Variants in TENM2 observed in about 807,000 individuals in gnomAD.
TENM2 encodes the protein teneurin-2.
Under a neutral mutation model 245.2 loss-of-function variants are expected in TENM2, and 52 were observed. The ratio of observed to expected loss-of-function variants is 0.21; its 90% CI spans 0.17 to 0.27. The LOEUF is 0.27. TENM2 is among the 10% of genes least tolerant of loss of function. The probability of loss-of-function intolerance (pLI) is 1.00; values close to 1 mark genes in which losing one functional copy is unlikely to be tolerated. For synonymous variants in TENM2, 1,363 were observed against 1,438.9 expected, an observed-to-expected ratio of 0.95 and a Z score of 1.19; for missense variants, 3,046 against 3,666.8, an observed-to-expected ratio of 0.83 and a Z score of 4.37.
At chr5:168,173,560 C>T (rs769567652) in intron 13 of TENM2, among the ~76,000 whole-genome samples, 8 of 152,062 alleles carry the variant, frequency 5.3e-5, no homozygotes, top group African/African-American at 7.2e-5. Context: ...TCATTGATGG[C>T]AATGACAGAA....
the TENM2 span, among the ~76,000 whole-genome samples, chr5:167,115,914 G>T: frequency 2.0e-4 from 31 of 152,170 alleles, no homozygotes; most frequent in African/African-American, 6.3e-4. Context: ...GGAAATAACT[G>T]AGAAATTTTG....
chr5:167,649,070 C>A (rs1213683277), intron 2 of TENM2, among the ~76,000 whole-genome samples: 1 of 152,084 alleles, frequency 6.6e-6, no homozygotes, highest in East Asian at 1.9e-4. Context: ...TCTGTCACAC[C>A]ACAAAGAGTA....
At chr5:167,963,970 A>G (rs1781201842) in intron 4 of TENM2, among the ~76,000 whole-genome samples, 1 of 152,214 alleles carries the variant, frequency 6.6e-6, no homozygotes, top group Admixed American at 6.5e-5. Context: ...TGTATAAACC[A>G]TAATATAATC....
At chr5:167,398,228 A>G (rs1156522765) in intron 2 of TENM2, among the ~76,000 whole-genome samples, 1 of 152,158 alleles carries the variant, frequency 6.6e-6, no homozygotes, top group African/African-American at 2.4e-5. Context: ...TTAAACCTTA[A>G]TTCTGTCCTT....
At position 168,034,312 on chromosome 5, in the gene TENM2, G is replaced by A. The variant is rs182919099; in HGVS notation, c.1187-13115G>A. Reference sequence around the variant, plus strand: ...GCCAAGATGGCGCCACTCCACTCCAGCCTGGGTGAAAGAGTGAGACTCCGT... The same window carrying A: ...GCCAAGATGGCGCCACTCCACTCCAACCTGGGTGAAAGAGTGAGACTCCGT... On this transcript the variant is annotated intron_variant, in intron 5 of 28. Transcript: ENST00000518659. Among the ~76,000 whole-genome samples the A allele has an allele frequency of 1.5e-3, 216 of 147,664 alleles. 1 individual carries two copies. Among genetic ancestry groups the A allele is most frequent in the African/African-American group, 5.1e-3 (204 of 39,864 alleles).
chr5:167,405,969 A>G (rs765662177), intron 2 of TENM2, among the ~76,000 whole-genome samples: 1 of 152,112 alleles, frequency 6.6e-6, no homozygotes, highest in Non-Finnish European at 1.5e-5. Flanking sequence ...TGTTTATCAT[A>G]GGCTGTTAAG....
rs994047705 is a variant in TENM2, at chr5:167,734,509, A to G, written c.503-141477A>G. Among the ~76,000 whole-genome samples, 4 of 148,552 alleles carry G rather than the reference A, an allele frequency of 2.7e-5. No individual in the cohort carries two copies. The Admixed American group carries it at 2.7e-4, about 10-fold the overall frequency. ...GCAATATATTATATATAAATAATAT[A>G]TAATAAATATATTAATAGTTAATGA... On this transcript the variant is annotated intron_variant, in intron 2 of 28. Transcript: ENST00000518659.
At chr5:167,930,146 T>G (rs189578294) in intron 3 of TENM2, among the ~76,000 whole-genome samples, 1 of 152,314 alleles carries the variant, frequency 6.6e-6, no homozygotes, top group East Asian at 1.9e-4. Context: ...AGACCAGAGA[T>G]GTAAAAAGAT....
chr5:167,433,795 T>C (rs1294547490), intron 2 of TENM2, among the ~76,000 whole-genome samples: 2 of 152,144 alleles, frequency 1.3e-5, no homozygotes, highest in Non-Finnish European at 2.9e-5. Context: ...TAAAACATCA[T>C]TGTTCACATT....
At chr5:167,335,024 G>C (rs1027704983) in intron 1 of TENM2, among the ~76,000 whole-genome samples, 1 of 152,156 alleles carries the variant, frequency 6.6e-6, no homozygotes. Flanking sequence ...TGGTGTAGTA[G>C]TCCATTCTCA....
the TENM2 span, among the ~76,000 whole-genome samples, chr5:167,208,659 C>T: frequency 6.6e-6 from 1 of 152,156 alleles, no homozygotes; most frequent in African/African-American, 2.4e-5. Flanking sequence ...TGTAAAGTGA[C>T]ACAGATTTTG....
At chr5:167,471,093 C>A (rs771626716) in intron 2 of TENM2, among the ~76,000 whole-genome samples, 15 of 152,174 alleles carry the variant, frequency 9.9e-5, no homozygotes, top group Non-Finnish European at 1.5e-4. Flanking sequence ...TGCAAGACTG[C>A]GGCTTCTCTG....
chr5:167,752,261 AT>A (rs575290973), intron 2 of TENM2, among the ~76,000 whole-genome samples: 3,280 of 123,298 alleles, frequency 0.027, 41 homozygotes, highest in African/African-American at 0.071. Flanking sequence ...TGCCCAGCTA[AT>A]TTTTTTTTTT....
intron 2 of TENM2, among the ~76,000 whole-genome samples, chr5:167,871,955 T>C (rs1442922974): frequency 6.6e-6 from 1 of 151,974 alleles, no homozygotes; most frequent in African/African-American, 2.4e-5. Flanking sequence ...GGGGGGAAAA[T>C]GTAGCATAAG....
the TENM2 span, among the ~76,000 whole-genome samples, chr5:167,014,608 C>T: frequency 3.3e-5 from 5 of 152,116 alleles, no homozygotes; most frequent in African/African-American, 1.2e-4. Flanking sequence ...CTAGCAGAAC[C>T]CTGTTGCATA....
At chr5:167,859,388 C>T (rs1440856683) in intron 2 of TENM2, among the ~76,000 whole-genome samples, 2 of 140,634 alleles carry the variant, frequency 1.4e-5, no homozygotes, top group Non-Finnish European at 3.1e-5. Context: ...TGGGGGGGGT[C>T]AGCCCCCCGC....
At chr5:167,099,694 TCAAAA>T in the TENM2 span, among the ~76,000 whole-genome samples, 39 of 152,170 alleles carry the variant, frequency 2.6e-4, no homozygotes, top group African/African-American at 7.0e-4. Flanking sequence ...AAACACCGTC[TCAAAA>T]CAAAACAAAA....
chr5:167,380,378 G>A (rs574658794), intron 2 of TENM2, among the ~76,000 whole-genome samples: 3 of 152,196 alleles, frequency 2.0e-5, no homozygotes, highest in African/African-American at 4.8e-5. Context: ...AAATGGACTC[G>A]TATGAGACTT....
chr5:167,246,927 A>C, the TENM2 span, among the ~76,000 whole-genome samples: 5 of 152,176 alleles, frequency 3.3e-5, no homozygotes, highest in South Asian at 8.3e-4. Context: ...TCATCACCTC[A>C]TCATTCATTT....
Sources: allele counts gnomAD v4.1 joint callset (sites outside exome capture counted in the v4.1 genomes callset), GRCh38; gene constraint gnomAD v4.1.1; transcripts MANE v1.5; gene names NCBI Gene and HGNC (gene_info 2026-07-23, HGNC 2026-07-21).